The following TMLHE variants were observed in gnomAD, a reference collection of about 807,000 sequenced individuals.
TMLHE encodes the protein trimethyllysine hydroxylase, epsilon.
TMLHE carries 18 observed loss-of-function variants against 25.7 expected under a neutral mutation model. The observed-to-expected ratio is 0.70, with a 90% confidence interval of 0.48 to 1.04. The LOEUF (loss-of-function observed/expected upper bound fraction) is 1.04. TMLHE is among the 50% of genes least tolerant of loss of function. The probability of loss-of-function intolerance (pLI) is 0.00; values close to 1 mark genes in which losing one functional copy is unlikely to be tolerated. For synonymous variants in TMLHE, 105 were observed against 97.0 expected (o/e 1.08, Z -0.49); for missense variants, 236 against 259.0 (o/e 0.91, Z 0.61).
intron 2 of TMLHE, among the ~76,000 whole-genome samples, chrX:155,533,377 A>ATG (rs1557337289): frequency 8.8e-5 from 5 of 57,049 alleles, no homozygotes; most frequent in South Asian, 2.0e-3. Context: ...ACACGTGCAC[A>ATG]CGCACACACA....
chrX:155,579,343 T>C (rs2067610874), intron 1 of TMLHE, among the ~76,000 whole-genome samples: 1 of 111,987 alleles, frequency 8.9e-6, no homozygotes, highest in South Asian at 3.7e-4. Flanking sequence ...ATTACCTGAC[T>C]TCAAATTATA....
chrX:155,590,317 T>C (rs1439789554), intron 1 of TMLHE, among the ~76,000 whole-genome samples: 1 of 112,041 alleles, frequency 8.9e-6, no homozygotes, highest in Non-Finnish European at 1.9e-5. Context: ...TATGTGTGGA[T>C]AAAATAGACC....
At chrX:155,504,946 G>A (rs1010529535) in intron 6 of TMLHE, among the ~76,000 whole-genome samples, 1 of 110,792 alleles carries the variant, frequency 9.0e-6, no homozygotes, top group African/African-American at 3.3e-5. Flanking sequence ...TAAGGGTTTG[G>A]GTTAAATAGG....
chrX:155,547,349 T>C (rs2067356444), intron 1 of TMLHE, among the ~76,000 whole-genome samples: 1 of 108,659 alleles, frequency 9.2e-6, no homozygotes, highest in Non-Finnish European at 1.9e-5. Flanking sequence ...TTTCACCGTG[T>C]TAGCCAGGAT....
chrX:155,598,208 G>C (rs1321140687), intron 1 of TMLHE, among the ~76,000 whole-genome samples: 1 of 111,606 alleles, frequency 9.0e-6, no homozygotes, highest in Non-Finnish European at 1.9e-5. Context: ...TTATGAGAAA[G>C]AAGATGTAGA....
intron 1 of TMLHE, among the ~76,000 whole-genome samples, chrX:155,563,114 T>A (rs1328934980): frequency 1.6e-5 from 1 of 62,484 alleles, no homozygotes; most frequent in African/African-American, 3.6e-5. Flanking sequence ...TATAGCAATG[T>A]CCCACTCTCC....
intron 1 of TMLHE, among the ~76,000 whole-genome samples, chrX:155,547,457 C>G (rs1328779968): frequency 1.8e-5 from 2 of 111,944 alleles, no homozygotes; most frequent in South Asian, 3.7e-4. Flanking sequence ...TAGGTACTTT[C>G]TTAAGTATTA....
At position 155,513,786 on chromosome X, in the gene TMLHE, T is replaced by A. The variant is rs781823680; in HGVS notation, c.638+200A>T. Reference sequence around the variant, plus strand: ...ATTACCAATGACTCTGCAGTCATCATTATATTTTACACATAAGTGTATTTA... The same window carrying A: ...ATTACCAATGACTCTGCAGTCATCAATATATTTTACACATAAGTGTATTTA... On this transcript the variant is annotated intron_variant, in intron 4 of 7. Transcript: ENST00000334398. Among the ~76,000 whole-genome samples the A allele has an allele frequency of 4.5e-5, 5 of 111,456 alleles. No homozygotes were observed. The South Asian group carries it at 1.9e-3, about 42-fold the overall frequency.
intron 2 of TMLHE, among the ~76,000 whole-genome samples, chrX:155,531,683 C>T (rs1403537060): frequency 8.9e-6 from 1 of 111,818 alleles, no homozygotes; most frequent in Non-Finnish European, 1.9e-5. Flanking sequence ...GGGTGGAAGC[C>T]TTATTACATT....
intron 1 of TMLHE, among the ~76,000 whole-genome samples, chrX:155,566,113 GA>G (rs2124450522): frequency 1.6e-5 from 1 of 62,140 alleles, no homozygotes; most frequent in African/African-American, 3.6e-5. Context: ...AGTAAAGCCT[GA>G]ACCAAGGCTA....
At chrX:155,523,220 T>G (rs1243729715) in intron 3 of TMLHE, among the ~76,000 whole-genome samples, 1 of 112,173 alleles carries the variant, frequency 8.9e-6, no homozygotes, top group African/African-American at 3.2e-5. Flanking sequence ...TCTGCTGAGT[T>G]TTAAGAGTTA....
chrX:155,582,344 G>T (rs1557344659), intron 1 of TMLHE, among the ~76,000 whole-genome samples: 1 of 112,079 alleles, frequency 8.9e-6, no homozygotes. Context: ...AAACTAAAGA[G>T]CTTCTGCACA....
In TMLHE at chrX:155,554,704, C is replaced by G. The variant is rs782280069; in HGVS notation, c.-1-9427G>C. Among the ~76,000 whole-genome samples the G allele has an allele frequency of 9.6e-4, 105 of 109,504 alleles. 3 individuals are homozygous for G. Among genetic ancestry groups the G allele is most frequent in the African/African-American group, 3.3e-3 (98 of 29,854 alleles). On this transcript the variant is annotated intron_variant, in intron 1 of 7. Transcript: ENST00000334398. ...ATTTCTAAGATGACCTCCAGTTACC[C>G]TTGCTGTTGTAAAATCTTTTCCCCT...
chrX:155,523,045 T>C (rs1223134585), intron 3 of TMLHE, among the ~76,000 whole-genome samples: 1 of 111,717 alleles, frequency 9.0e-6, no homozygotes, highest in Non-Finnish European at 1.9e-5. Flanking sequence ...ATGTAGTCAT[T>C]CTGATAGGTA....
At chrX:155,568,411 C>T (rs1375286701) in intron 1 of TMLHE, among the ~76,000 whole-genome samples, 1 of 61,604 alleles carries the variant, frequency 1.6e-5, no homozygotes, top group African/African-American at 3.6e-5. Flanking sequence ...GGGGGCAGGG[C>T]ACAGACAAAA....
chrX:155,585,929 T>C (rs1036359811), intron 1 of TMLHE, among the ~76,000 whole-genome samples: 6 of 111,284 alleles, frequency 5.4e-5, no homozygotes, highest in African/African-American at 1.6e-4. Context: ...ACTGTAAAAA[T>C]CCATCGTTAT....
intron 1 of TMLHE, among the ~76,000 whole-genome samples, chrX:155,610,365 G>C (rs1391130651): frequency 8.9e-6 from 1 of 111,918 alleles, no homozygotes; most frequent in Non-Finnish European, 1.9e-5. Flanking sequence ...GATGGGCAAG[G>C]AAGATGTCAC....
Position 155,516,058 on chromosome X carries a change from G to C in TMLHE, c.359-1793C>G, listed in dbSNP as rs781833259. On this transcript the variant is annotated intron_variant, in intron 3 of 7. Transcript: ENST00000334398. ...ATACTCTAAGTTTTAGGGTACATGT[G>C]CACATTGTGCAGGTTAGTTACCTAT... 1.8e-4 allele frequency among the ~76,000 whole-genome samples: 9 copies of C among 50,709 alleles called. 1 individual carries two copies. Among genetic ancestry groups the C allele is most frequent in the African/African-American group, 6.5e-4 (9 of 13,946 alleles). The allele number at this position is 50,709 out of a possible 115,157, so 44.0% of individuals were successfully genotyped here. A position where few individuals can be genotyped will look rare whatever the true frequency, so the allele number is the denominator to read the frequency against.
At chrX:155,608,010 A>G (rs1173287985) in intron 1 of TMLHE, among the ~76,000 whole-genome samples, 1 of 112,078 alleles carries the variant, frequency 8.9e-6, no homozygotes, top group African/African-American at 3.2e-5. Flanking sequence ...ATTCAATGCT[A>G]TTCTTATCAA....
Sources: allele counts gnomAD v4.1 joint callset (sites outside exome capture counted in the v4.1 genomes callset), GRCh38; gene constraint gnomAD v4.1.1; transcripts MANE v1.5; gene names NCBI Gene and HGNC (gene_info 2026-07-23, HGNC 2026-07-21).